SGIP1: variants seen among roughly 807,000 people sequenced by gnomAD.
The protein encoded by SGIP1 is SH3GL interacting endocytic adaptor 1.
Under a neutral mutation model 107.5 loss-of-function variants are expected in SGIP1, and 38 were observed. That is an observed-to-expected ratio of 0.35 (90% CI 0.27 to 0.46). The LOEUF is 0.46. Among genes scored for constraint, SGIP1 ranks in the 20% least tolerant of loss-of-function variants. The pLI, the probability that SGIP1 is intolerant of heterozygous loss-of-function variation, is 1.00. For missense variants in SGIP1, 929 were observed against 1,019.5 expected (o/e 0.91, Z 1.21); for synonymous variants, 365 against 366.1 (o/e 1.00, Z 0.03).
At chr1:66,730,966 C>G (rs1403783814) in intron 20 of SGIP1, among the ~76,000 whole-genome samples, 1 of 152,196 alleles carries the variant, frequency 6.6e-6, no homozygotes, top group Non-Finnish European at 1.5e-5. Context: ...CACCAACCAG[C>G]CCCAAACTAG....
At chr1:66,724,596 AC>A (rs2093676390) in intron 19 of SGIP1, among the ~76,000 whole-genome samples, 1 of 152,256 alleles carries the variant, frequency 6.6e-6, no homozygotes, top group South Asian at 2.1e-4. Context: ...CTTCTACCCA[AC>A]ACTGTAAGCC....
chr1:66,551,173 T>C (rs1371310470), intron 1 of SGIP1, among the ~76,000 whole-genome samples: 1 of 152,168 alleles, frequency 6.6e-6, no homozygotes, highest in African/African-American at 2.4e-5. Flanking sequence ...TCTGGTTATT[T>C]TAAATCAGAT....
chr1:66,560,217 A>G (rs1156920977), intron 1 of SGIP1, among the ~76,000 whole-genome samples: 1 of 152,050 alleles, frequency 6.6e-6, no homozygotes, highest in African/African-American at 2.4e-5. Context: ...CCTTTACCGC[A>G]GCTTTCTACT....
intron 1 of SGIP1, among the ~76,000 whole-genome samples, chr1:66,586,170 T>C (rs1304360986): frequency 1.3e-5 from 2 of 152,188 alleles, no homozygotes; most frequent in African/African-American, 4.8e-5. Flanking sequence ...TTTTTTCCCA[T>C]GATCAATGTC....
intron 20 of SGIP1, 32 bp from the exon 21 acceptor site, chr1:66,733,701 ATTTGTTTTAAGATGC>A (rs2094117586): frequency 6.3e-7 from 1 of 1,593,144 alleles, no homozygotes; most frequent in Admixed American, 1.7e-5. Flanking sequence ...TAGGGTTTAT[ATTTGTTTTAAGATGC>A]TACTCAATCA....
chr1:66,682,685 G>A (rs752568457), intron 15 of SGIP1, among the ~76,000 whole-genome samples: 3 of 151,962 alleles, frequency 2.0e-5, no homozygotes, highest in Non-Finnish European at 2.9e-5. Context: ...GTTCTAGGAA[G>A]ACAGATTTCA....
At chr1:66,655,682 G>A (rs949084116) in intron 7 of SGIP1, among the ~76,000 whole-genome samples, 1 of 152,102 alleles carries the variant, frequency 6.6e-6, no homozygotes, top group African/African-American at 2.4e-5. Context: ...GTAACACAAC[G>A]GTATCTGTGT....
At chr1:66,634,251 G>C in intron 3 of SGIP1, 1 of 980,470 alleles carries the variant, frequency 1.0e-6, no homozygotes, top group Non-Finnish European at 1.6e-6. Context: ...GCAAAGCTCT[G>C]TTAGCTACTC....
At chr1:66,575,307 A>G (rs1417138383) in intron 1 of SGIP1, among the ~76,000 whole-genome samples, 1 of 152,184 alleles carries the variant, frequency 6.6e-6, no homozygotes, top group East Asian at 1.9e-4. Context: ...GGTCCTAATT[A>G]CCGTCAATAA....
Position 66,684,072 on chromosome 1 carries a change from C to T in SGIP1, c.1315+1703C>T. 4 of 1,549,648 alleles carry T rather than the reference C, an allele frequency of 2.6e-6. No individual in the cohort carries two copies. In the South Asian group the frequency reaches 3.6e-5, roughly 14 times the overall value. On this transcript the variant is annotated intron_variant, in intron 15 of 24. Transcript: ENST00000371037. Reference sequence around the variant, plus strand: ...GTACATTATTTCATACAACACCACCCTGTGGTAGATACTGTTATCTTTCCC... The same window carrying T: ...GTACATTATTTCATACAACACCACCTTGTGGTAGATACTGTTATCTTTCCC...
At chr1:66,642,674 C>G in intron 5 of SGIP1, 136 bp from the exon 6 acceptor site, 1 of 605,732 alleles carries the variant, frequency 1.7e-6, no homozygotes, top group Non-Finnish European at 2.8e-6. Flanking sequence ...GCTCAGAATT[C>G]ACTTCCAAAA....
rs148897733 is a variant in SGIP1, at chr1:66,684,960, G to C, written c.1315+2591G>C. 7.9e-5 allele frequency among the ~76,000 whole-genome samples: 12 copies of C among 152,250 alleles called. No homozygotes were observed. In the East Asian group the frequency reaches 1.9e-3, roughly 24 times the overall value. ...GGATTTCTACGTAGAAAATTGAACT[G>C]GGCCACTGAAGTTTGTGAATAAATA... On this transcript the variant is annotated intron_variant, in intron 15 of 24. Coordinates refer to ENST00000371037, the MANE Select transcript of SGIP1 (RefSeq NM_032291.4).
rs2061000842 is a variant in SGIP1, at chr1:66,575,946, G to A, written c.10+41578G>A. 3.3e-5 allele frequency among the ~76,000 whole-genome samples: 5 copies of A among 152,180 alleles called. No individual in the cohort carries two copies. In the South Asian group the frequency reaches 6.2e-4, roughly 19 times the overall value. ...AGTAGCAGTTTCGTCAGTACGCTAG[G>A]AGCCATGTGCAACATGTCTAGTCTG... On this transcript the variant is annotated intron_variant, in intron 1 of 24. Coordinates refer to ENST00000371037, the MANE Select transcript of SGIP1 (RefSeq NM_032291.4).
In SGIP1 at chr1:66,610,546, C is replaced by T. The variant is rs570188661; in HGVS notation, c.11-15301C>T. 2.5e-4 allele frequency among the ~76,000 whole-genome samples: 38 copies of T among 152,250 alleles called. 1 individual carries two copies. The South Asian group carries it at 7.9e-3, about 32-fold the overall frequency. On this transcript the variant is annotated intron_variant, in intron 1 of 24. Coordinates refer to ENST00000371037, the MANE Select transcript of SGIP1 (RefSeq NM_032291.4). Reference sequence around the variant, plus strand: ...ACCCATTAGTTGTGTCTTATCATTGCCCCTTTCTAATCCTTCAGTGGAAAC... The same window carrying T: ...ACCCATTAGTTGTGTCTTATCATTGTCCCTTTCTAATCCTTCAGTGGAAAC...
chr1:66,679,538 C>A, intron 13 of SGIP1, 140 bp from the exon 14 acceptor site: 1 of 875,556 alleles, frequency 1.1e-6, no homozygotes. Context: ...CTTTGAACTT[C>A]AAAGAAGTAG....
At chr1:66,640,776 A>AT (rs1302920493) in intron 5 of SGIP1, among the ~76,000 whole-genome samples, 3 of 82,728 alleles carry the variant, frequency 3.6e-5, no homozygotes, top group South Asian at 1.1e-3. Flanking sequence ...GTACACTTGT[A>AT]TTAAAAAAAA....
intron 21 of SGIP1, among the ~76,000 whole-genome samples, chr1:66,737,982 A>G (rs899395798): frequency 6.6e-6 from 1 of 151,616 alleles, no homozygotes; most frequent in Non-Finnish European, 1.5e-5. Flanking sequence ...GCACCTCCCC[A>G]GGTAGAGGAA....
chr1:66,629,378 A>G (rs2073727611), intron 2 of SGIP1, among the ~76,000 whole-genome samples: 1 of 152,170 alleles, frequency 6.6e-6, no homozygotes, highest in African/African-American at 2.4e-5. Context: ...CTTCCTAGTA[A>G]TTAAATAAGG....
chr1:66,721,618 A>G (rs1248734790), intron 19 of SGIP1, among the ~76,000 whole-genome samples: 1 of 152,090 alleles, frequency 6.6e-6, no homozygotes, highest in African/African-American at 2.4e-5. Flanking sequence ...CATATTGCCC[A>G]GGCTGGTCTT....
Sources: allele counts gnomAD v4.1 joint callset (sites outside exome capture counted in the v4.1 genomes callset), GRCh38; gene constraint gnomAD v4.1.1; transcripts MANE v1.5; gene names NCBI Gene and HGNC (gene_info 2026-07-23, HGNC 2026-07-21).